DLG2: variants seen among roughly 807,000 people sequenced by gnomAD.
The protein encoded by DLG2 is discs large MAGUK scaffold protein 2, also known as disks large homolog 2.
In DLG2, 45 loss-of-function variants were observed where a neutral mutation model predicts 132.5. That is an observed-to-expected ratio of 0.34 (90% CI 0.27 to 0.44). The LOEUF (loss-of-function observed/expected upper bound fraction) is 0.44, where lower values mean the gene tolerates loss of function less well. Among genes scored for constraint, DLG2 ranks in the 20% least tolerant of loss-of-function variants. DLG2 has a pLI of 1.00. For missense variants in DLG2, 1,045 were observed against 1,196.9 expected, an observed-to-expected ratio of 0.87 and a Z score of 1.87; for synonymous variants, 424 against 419.6, an observed-to-expected ratio of 1.01 and a Z score of -0.13.
At chr11:83,493,019 G>T (rs1220717494) in intron 21 of DLG2, among the ~76,000 whole-genome samples, 1 of 152,050 alleles carries the variant, frequency 6.6e-6, no homozygotes, top group African/African-American at 2.4e-5. Flanking sequence ...GGCTGGAAAG[G>T]CTCTCCATAA....
intron 20 of DLG2, among the ~76,000 whole-genome samples, chr11:83,533,403 A>T (rs540466957): frequency 1.3e-5 from 2 of 152,318 alleles, no homozygotes; most frequent in Admixed American, 6.5e-5. Context: ...TTCTAAAAGC[A>T]TGACTGCAAT....
chr11:84,993,249 C>T (rs975495595), intron 6 of DLG2, among the ~76,000 whole-genome samples: 5 of 152,110 alleles, frequency 3.3e-5, no homozygotes, highest in African/African-American at 1.2e-4. Flanking sequence ...ACATCACACA[C>T]TGGGGCCTGT....
At chr11:83,713,275 C>T (rs775447373) in intron 18 of DLG2, among the ~76,000 whole-genome samples, 2 of 152,160 alleles carry the variant, frequency 1.3e-5, no homozygotes, top group Non-Finnish European at 2.9e-5. Flanking sequence ...ATAAGTTACA[C>T]TACCTCATTA....
At chr11:84,074,529 A>ATTTTTTTT (rs59822508) in intron 10 of DLG2, among the ~76,000 whole-genome samples, 3 of 139,362 alleles carry the variant, frequency 2.2e-5, no homozygotes, top group African/African-American at 5.4e-5. Flanking sequence ...AGAGTTTCTA[A>ATTTTTTTT]TTTTTTTTTT....
intron 19 of DLG2, among the ~76,000 whole-genome samples, chr11:83,566,889 A>C (rs747351365): frequency 6.6e-6 from 1 of 152,182 alleles, no homozygotes; most frequent in Non-Finnish European, 1.5e-5. Flanking sequence ...AAAATACTGT[A>C]TGCAAATTTC....
chr11:85,035,824 A>T (rs977641583), intron 6 of DLG2, among the ~76,000 whole-genome samples: 2 of 152,216 alleles, frequency 1.3e-5, no homozygotes, highest in Non-Finnish European at 2.9e-5. Context: ...AGCTAAAAAG[A>T]AACATGCTTA....
intron 6 of DLG2, among the ~76,000 whole-genome samples, chr11:84,739,424 T>C (rs532202773): frequency 1.3e-5 from 2 of 152,162 alleles, no homozygotes; most frequent in Non-Finnish European, 2.9e-5. Context: ...TGGGGCTCAG[T>C]TTTCTAGAAC....
At chr11:84,349,788 C>A (rs1489257476) in intron 7 of DLG2, among the ~76,000 whole-genome samples, 1 of 151,994 alleles carries the variant, frequency 6.6e-6, no homozygotes, top group East Asian at 1.9e-4. Context: ...TTGTTTGAGA[C>A]CAGGAGTTTA....
chr11:84,746,237 A>G (rs12788287), intron 6 of DLG2, among the ~76,000 whole-genome samples: 1 of 151,670 alleles, frequency 6.6e-6, no homozygotes, highest in Non-Finnish European at 1.5e-5. Context: ...ATGGAAAACA[A>G]CAAGATATGA....
chr11:84,288,541 A>G (rs1426559835), intron 7 of DLG2, among the ~76,000 whole-genome samples: 1 of 152,122 alleles, frequency 6.6e-6, no homozygotes, highest in East Asian at 1.9e-4. Context: ...GAAAGAACCA[A>G]GTACTTCTAA....
intron 18 of DLG2, among the ~76,000 whole-genome samples, chr11:83,691,172 G>A (rs2080929537): frequency 6.6e-6 from 1 of 152,114 alleles, no homozygotes; most frequent in South Asian, 2.1e-4. Flanking sequence ...TTAGGAAATG[G>A]CAGAATCAGA....
At chr11:84,927,576 G>T (rs2047547658) in intron 6 of DLG2, among the ~76,000 whole-genome samples, 1 of 151,958 alleles carries the variant, frequency 6.6e-6, no homozygotes, top group African/African-American at 2.4e-5. Context: ...CATACGATCT[G>T]TCACAACTAC....
chr11:83,971,336 A>G, intron 12 of DLG2, among the ~76,000 whole-genome samples: 1 of 152,110 alleles, frequency 6.6e-6, no homozygotes. Flanking sequence ...GAGATGACTC[A>G]TTCTCTCAAA....
At chr11:85,500,807 T>C (rs550445492) in intron 3 of DLG2, among the ~76,000 whole-genome samples, 4 of 152,324 alleles carry the variant, frequency 2.6e-5, no homozygotes, top group East Asian at 3.9e-4. Flanking sequence ...CGCTCATGGA[T>C]AGGAAGAATC....
intron 6 of DLG2, among the ~76,000 whole-genome samples, chr11:84,780,736 A>G (rs978357557): frequency 2.0e-5 from 3 of 152,140 alleles, no homozygotes; most frequent in African/African-American, 2.4e-5. Context: ...TAAAATTCAG[A>G]TATTTCCCTA....
rs556131308 is a variant in DLG2 at position 85,122,835 on chromosome 11, T to C, written c.283-11100A>G. On this transcript the variant is annotated intron_variant, in intron 5 of 27. Transcript: ENST00000376104. ...TATACATGCAAATTATATATATATA[T>C]ACACACACACACATAAATGCACACA... Among the ~76,000 whole-genome samples, 1,226 of 148,522 alleles carry C rather than the reference T, an allele frequency of 8.3e-3. 10 individuals carry two copies. Among genetic ancestry groups the C allele is most frequent in the South Asian group, 0.023 (108 of 4,684 alleles).
At chr11:84,886,105 G>T (rs1409628077) in intron 6 of DLG2, among the ~76,000 whole-genome samples, 2 of 152,076 alleles carry the variant, frequency 1.3e-5, no homozygotes, top group Middle Eastern at 3.2e-3. Context: ...CAAAGAAGGG[G>T]AGGCAACAGC....
In DLG2 at chr11:84,149,515, T is replaced by A. The variant is rs141856768; in HGVS notation, c.624+13946A>T. ...TTATTTTTGTAGACTTTGTCAATGA[T>A]CAGATGGCTTTAGGTGTGTGGCTTT... On this transcript the variant is annotated intron_variant, in intron 9 of 27. Transcript: ENST00000376104. 1.7e-4 allele frequency among the ~76,000 whole-genome samples: 26 copies of A among 152,252 alleles called. No homozygotes were observed. The South Asian group carries it at 3.5e-3, about 21-fold the overall frequency.
chr11:83,517,768 G>A (rs2095346179), intron 21 of DLG2, among the ~76,000 whole-genome samples: 1 of 152,218 alleles, frequency 6.6e-6, no homozygotes, highest in South Asian at 2.1e-4. Flanking sequence ...AGGTCTGTTG[G>A]AGTTTGCCGG....
Sources: allele counts gnomAD v4.1 joint callset (sites outside exome capture counted in the v4.1 genomes callset), GRCh38; gene constraint gnomAD v4.1.1; transcripts MANE v1.5; gene names NCBI Gene and HGNC (gene_info 2026-07-23, HGNC 2026-07-21).